The following NRXN3 variants were observed in gnomAD, a reference collection of about 807,000 sequenced individuals.
NRXN3 encodes neurexin III.
NRXN3 carries 32 observed loss-of-function variants against 137.6 expected under a neutral mutation model. That is an observed-to-expected ratio of 0.23 (90% CI 0.18 to 0.31). The LOEUF is 0.31. Among genes scored for constraint, NRXN3 ranks in the 10% least tolerant of loss-of-function variants. The pLI is 1.00. For synonymous variants in NRXN3, 798 were observed against 784.5 expected (o/e 1.02, Z -0.29); for missense variants, 1,574 against 2,062.5 (o/e 0.76, Z 4.59).
At chr14:78,561,656 A>C (rs2096787317) in intron 4 of NRXN3, among the ~76,000 whole-genome samples, 3 of 152,222 alleles carry the variant, frequency 2.0e-5, no homozygotes, top group Admixed American at 2.0e-4. Flanking sequence ...TATGATTTTC[A>C]GTCCTACTCT....
intron 4 of NRXN3, among the ~76,000 whole-genome samples, chr14:78,301,841 CCTTTCCA>C (rs2076905814): frequency 6.6e-6 from 1 of 152,204 alleles, no homozygotes; most frequent in South Asian, 2.1e-4. Flanking sequence ...GCAGTTCAGT[CCTTTCCA>C]CTTTGGGGTT....
chr14:79,770,863 T>A (rs71331179), intron 19 of NRXN3, among the ~76,000 whole-genome samples: 2 of 151,802 alleles, frequency 1.3e-5, no homozygotes, highest in South Asian at 2.1e-4. Flanking sequence ...ATCAACAAAA[T>A]TGATAGACCA....
chr14:78,683,540 A>T (rs2098097255), intron 6 of NRXN3, among the ~76,000 whole-genome samples: 1 of 152,242 alleles, frequency 6.6e-6, no homozygotes, highest in South Asian at 2.1e-4. Context: ...AAAGCAGAAT[A>T]TGGAAGGGTA....
At chr14:79,692,460 T>A (rs1295549626) in intron 18 of NRXN3, among the ~76,000 whole-genome samples, 198 bp downstream of exon 18, 1 of 152,074 alleles carries the variant, frequency 6.6e-6, no homozygotes, top group Admixed American at 6.6e-5. Context: ...AAAATACAGT[T>A]AAAGGGACTA....
chr14:79,629,495 G>A (rs73327956), intron 16 of NRXN3, among the ~76,000 whole-genome samples: 10,518 of 152,046 alleles, frequency 0.069, 1,211 homozygotes, highest in African/African-American at 0.24. Context: ...GAGACTTTGC[G>A]TAGCCCTGGT....
intron 4 of NRXN3, among the ~76,000 whole-genome samples, chr14:78,411,943 T>C (rs1167319903): frequency 1.3e-5 from 2 of 152,254 alleles, no homozygotes; most frequent in Admixed American, 6.5e-5. Context: ...AAATAGAAAA[T>C]AACCCTTATC....
At chr14:78,279,915 T>A (rs2074162565) in intron 3 of NRXN3, among the ~76,000 whole-genome samples, 1 of 152,202 alleles carries the variant, frequency 6.6e-6, no homozygotes, top group Admixed American at 6.5e-5. Context: ...CTGTGTGGGA[T>A]CTTACACAAC....
chr14:79,142,897 G>T (rs1477926368), intron 15 of NRXN3, among the ~76,000 whole-genome samples: 2 of 152,174 alleles, frequency 1.3e-5, no homozygotes, highest in Non-Finnish European at 2.9e-5. Context: ...AAGGGAGGAG[G>T]CAGAAGATTA....
intron 4 of NRXN3, among the ~76,000 whole-genome samples, chr14:78,394,092 A>T (rs900535364): frequency 6.6e-6 from 1 of 151,954 alleles, no homozygotes; most frequent in African/African-American, 2.4e-5. Context: ...GTATTTTTTT[A>T]AATTTCCTTA....
At chr14:78,772,220 G>A (rs1483914825) in intron 8 of NRXN3, among the ~76,000 whole-genome samples, 1 of 152,136 alleles carries the variant, frequency 6.6e-6, no homozygotes, top group Non-Finnish European at 1.5e-5. Context: ...CTATAGGCAA[G>A]TGACACTGGT....
chr14:79,758,584 G>A (rs2099027975), intron 19 of NRXN3, among the ~76,000 whole-genome samples: 1 of 152,154 alleles, frequency 6.6e-6, no homozygotes, highest in African/African-American at 2.4e-5. Context: ...ATTTCAACAT[G>A]GGATCTGGAG....
chr14:79,275,843 C>T (rs946254182), intron 15 of NRXN3, among the ~76,000 whole-genome samples: 2 of 151,886 alleles, frequency 1.3e-5, no homozygotes, highest in African/African-American at 4.8e-5. Flanking sequence ...ATTTCAGGAT[C>T]CAAAGAGTAT....
chr14:79,438,187 T>C (rs2095874072), intron 15 of NRXN3, among the ~76,000 whole-genome samples: 1 of 152,200 alleles, frequency 6.6e-6, no homozygotes, highest in Admixed American at 6.5e-5. Context: ...TAGCCTTGTC[T>C]GGACTCCCCT....
At chr14:79,833,647 C>A (rs921481726) in intron 20 of NRXN3, among the ~76,000 whole-genome samples, 1 of 152,080 alleles carries the variant, frequency 6.6e-6, no homozygotes, top group African/African-American at 2.4e-5. Flanking sequence ...AAAAGGCAGG[C>A]AGCTCTTAAA....
intron 15 of NRXN3, among the ~76,000 whole-genome samples, chr14:79,092,479 A>G (rs1197474174): frequency 1.3e-5 from 2 of 152,194 alleles, no homozygotes; most frequent in Non-Finnish European, 2.9e-5. Flanking sequence ...ACAAACAGGA[A>G]CGTGCATGCA....
intron 4 of NRXN3, among the ~76,000 whole-genome samples, chr14:78,413,203 G>T (rs1598387646): frequency 6.6e-6 from 1 of 152,304 alleles, no homozygotes. Context: ...TATAGCTGAG[G>T]TCTAGCTCAG....
chr14:79,397,531 C>T (rs952136991), intron 15 of NRXN3, among the ~76,000 whole-genome samples: 1 of 152,162 alleles, frequency 6.6e-6, no homozygotes, highest in African/African-American at 2.4e-5. Context: ...TCTATATCTA[C>T]ATCACAGGTA....
At chr14:78,921,001 A>G (rs1163099654) in intron 10 of NRXN3, among the ~76,000 whole-genome samples, 1 of 152,154 alleles carries the variant, frequency 6.6e-6, no homozygotes, top group Non-Finnish European at 1.5e-5. Flanking sequence ...CCCATTGGTG[A>G]TTGAACTCAA....
At chr14:79,768,429 A>G (rs929947417) in intron 19 of NRXN3, among the ~76,000 whole-genome samples, 8 of 152,188 alleles carry the variant, frequency 5.3e-5, no homozygotes, top group South Asian at 2.1e-4. Context: ...GAGATCTGAG[A>G]ACGGGCAGAC....
Sources: gnomAD v4.1 joint callset for allele counts (sites outside exome capture counted in the v4.1 genomes callset) on GRCh38, gnomAD v4.1.1 for gene constraint, MANE v1.5 for transcripts, NCBI Gene and HGNC (gene_info 2026-07-23, HGNC 2026-07-21) for gene names.